The following WDFY4 variants were observed in gnomAD, a reference collection of about 807,000 sequenced individuals.
WDFY4 encodes the protein WDFY family member 4, also known as WD repeat- and FYVE domain-containing protein 4.
A neutral mutation model predicts 351.9 loss-of-function variants in WDFY4; 169 were observed. The observed-to-expected ratio is 0.48, with a 90% CI of 0.42 to 0.55. WDFY4 has a LOEUF of 0.55. Among genes scored for constraint, WDFY4 ranks in the 20% least tolerant of loss-of-function variants. WDFY4 has a pLI of 0.00. For missense variants in WDFY4, 3,803 were observed against 3,935.6 expected (o/e 0.97, Z 0.90); for synonymous variants, 1,622 against 1,574.6 (o/e 1.03, Z -0.71).
chr10:48,734,216 C>G (rs974138644), intron 10 of WDFY4, among the ~76,000 whole-genome samples, 181 bp downstream of exon 10: 1 of 152,172 alleles, frequency 6.6e-6, no homozygotes, highest in African/African-American at 2.4e-5. Flanking sequence ...AGATACTATA[C>G]CTCTGTTGAC....
At chr10:48,951,081 C>T (rs551948239) in intron 51 of WDFY4, among the ~76,000 whole-genome samples, 9 of 152,292 alleles carry the variant, frequency 5.9e-5, no homozygotes, top group Middle Eastern at 3.4e-3. Flanking sequence ...GCGGTACATT[C>T]GGAACACTGG....
intron 40 of WDFY4, among the ~76,000 whole-genome samples, chr10:48,870,349 A>G (rs1229890238): frequency 6.6e-6 from 1 of 152,158 alleles, no homozygotes; most frequent in Non-Finnish European, 1.5e-5. Context: ...CAGACTGGGC[A>G]TCATTGCGAG....
intron 39 of WDFY4, among the ~76,000 whole-genome samples, chr10:48,845,418 G>A (rs1030142093): frequency 2.6e-5 from 4 of 152,190 alleles, no homozygotes; most frequent in Non-Finnish European, 5.9e-5. Flanking sequence ...CCCTGCCCCA[G>A]GAGGTCCTCC....
chr10:48,833,292 G>A (rs999987964), intron 39 of WDFY4, among the ~76,000 whole-genome samples: 6 of 151,954 alleles, frequency 3.9e-5, no homozygotes, highest in Non-Finnish European at 7.4e-5. Context: ...TGGGATCGTT[G>A]GAAGGCTGAG....
At chr10:48,803,992 C>T (rs1039323683) in intron 25 of WDFY4, among the ~76,000 whole-genome samples, 2 of 152,214 alleles carry the variant, frequency 1.3e-5, no homozygotes, top group Non-Finnish European at 2.9e-5. Flanking sequence ...AGCTTAGCAC[C>T]ATAGGCAGAG....
At chr10:48,742,895 G>T in intron 11 of WDFY4, 73 bp from the exon 12 acceptor site, 1 of 1,387,434 alleles carries the variant, frequency 7.2e-7, no homozygotes, top group Non-Finnish European at 9.6e-7. Context: ...GGACGCTCTG[G>T]CAGGAATGTG....
chr10:48,981,317 G>A (rs1842796260), intron 60 of WDFY4, 50 bp from the exon 61 acceptor site: 5 of 1,510,530 alleles, frequency 3.3e-6, no homozygotes, highest in Middle Eastern at 3.4e-4. Context: ...CACACTGTAT[G>A]TGCGAAGCCG....
In WDFY4 at chr10:48,978,491, G is replaced by T. The variant is rs551484801; in HGVS notation, c.9376+98G>T. On this transcript the variant is annotated intron_variant, in intron 60 of 61. Coordinates refer to ENST00000325239, the MANE Select transcript of WDFY4 (RefSeq NM_001394531.1). ...GCCCAAGGGCTGCAGCTCCTCCCAG[G>T]TCTGCCCAGCCTAGGGAGGCCTAGG... 89 of 1,214,954 alleles carry T rather than the reference G, an allele frequency of 7.3e-5. No homozygotes were observed. In the East Asian group the frequency reaches 1.6e-3, roughly 22 times the overall value. The allele number at this position is 1,214,954 out of a possible 1,614,324, so 75.3% of individuals were successfully genotyped here. A position where few individuals can be genotyped will look rare whatever the true frequency, so the allele number is the denominator to read the frequency against.
intron 32 of WDFY4, among the ~76,000 whole-genome samples, chr10:48,817,840 G>C (rs1369208970): frequency 2.0e-5 from 3 of 152,226 alleles, no homozygotes; most frequent in African/African-American, 7.2e-5. Context: ...GCCATGACTT[G>C]TGTGCCCTTC....
chr10:48,871,123 G>C (rs1226826657), intron 40 of WDFY4, among the ~76,000 whole-genome samples: 1 of 152,058 alleles, frequency 6.6e-6, no homozygotes, highest in Admixed American at 6.5e-5. Flanking sequence ...TTTTAGAAGA[G>C]ACGGGGTTTC....
intron 47 of WDFY4, among the ~76,000 whole-genome samples, chr10:48,935,561 C>A (rs117006358): frequency 6.6e-6 from 1 of 152,364 alleles, no homozygotes; most frequent in Non-Finnish European, 1.5e-5. Context: ...CATCACTCCC[C>A]TTTCTTCGAA....
At chr10:48,885,632 G>A (rs1017400420) in intron 43 of WDFY4, among the ~76,000 whole-genome samples, 1 of 152,000 alleles carries the variant, frequency 6.6e-6, no homozygotes, top group African/African-American at 2.4e-5. Flanking sequence ...TGAAAAGATC[G>A]ATGCATCATT....
intron 39 of WDFY4, among the ~76,000 whole-genome samples, chr10:48,838,901 T>G (rs754322527): frequency 5.3e-5 from 8 of 152,268 alleles, no homozygotes; most frequent in Non-Finnish European, 1.2e-4. Flanking sequence ...CACCTGGTCT[T>G]GCTTGCTGGC....
rs369481593 is a variant in WDFY4, at chr10:48,763,541, C to T, written c.2553+3101C>T. Among the ~76,000 whole-genome samples the T allele has an allele frequency of 3.3e-5, 5 of 152,336 alleles. No individual in the cohort carries two copies. The East Asian group carries it at 5.8e-4, about 18-fold the overall frequency. On this transcript the variant is annotated intron_variant, in intron 13 of 61. Coordinates refer to ENST00000325239, the MANE Select transcript of WDFY4 (RefSeq NM_001394531.1). Reference sequence around the variant, plus strand: ...GGATGTATTCTGCAAAAATCCACTGCGGCCTCTTACAGGCCTGGAAACTCC... The same window carrying T: ...GGATGTATTCTGCAAAAATCCACTGTGGCCTCTTACAGGCCTGGAAACTCC...
chr10:48,731,081 T>C (rs1436647251), intron 8 of WDFY4, 29 bp from the exon 9 acceptor site: 1 of 1,494,492 alleles, frequency 6.7e-7, no homozygotes. Context: ...AGAAATGACT[T>C]GTAAGATCAT....
chr10:48,880,412 A>C (rs761596248), intron 43 of WDFY4, among the ~76,000 whole-genome samples: 23 of 152,198 alleles, frequency 1.5e-4, no homozygotes, highest in Non-Finnish European at 2.6e-4. Flanking sequence ...AGAACCAGGA[A>C]GGGGATCCTC....
intron 39 of WDFY4, among the ~76,000 whole-genome samples, chr10:48,834,959 G>A (rs772576267): frequency 6.6e-6 from 1 of 152,192 alleles, no homozygotes; most frequent in Non-Finnish European, 1.5e-5. Context: ...GTTTGCTCTT[G>A]GCTCACATTG....
At chr10:48,788,420 C>A in intron 20 of WDFY4, 110 bp from the exon 21 acceptor site, 1 of 1,305,238 alleles carries the variant, frequency 7.7e-7, no homozygotes, top group Non-Finnish European at 1.0e-6. Context: ...AACATACAAA[C>A]ATCCTCTCAA....
At chr10:48,907,225 C>T (rs1192757071) in intron 47 of WDFY4, among the ~76,000 whole-genome samples, 1 of 152,182 alleles carries the variant, frequency 6.6e-6, no homozygotes, top group East Asian at 1.9e-4. Flanking sequence ...TCAGAAAACT[C>T]AGAGAAATAC....
Sources: gnomAD v4.1 joint callset for allele counts (sites outside exome capture counted in the v4.1 genomes callset) on GRCh38, gnomAD v4.1.1 for gene constraint, MANE v1.5 for transcripts, NCBI Gene and HGNC (gene_info 2026-07-23, HGNC 2026-07-21) for gene names.